Variants in NDEL1 observed in about 807,000 individuals in gnomAD.
The protein encoded by NDEL1 is nudE neurodevelopment protein 1 like 1.
NDEL1 carries 9 observed loss-of-function variants against 45.7 expected under a neutral mutation model. The ratio of observed to expected loss-of-function variants is 0.20; its 90% CI spans 0.12 to 0.34. NDEL1 has a LOEUF of 0.34. Among genes scored for constraint, NDEL1 ranks in the 10% least tolerant of loss-of-function variants. The pLI, the probability that NDEL1 is intolerant of heterozygous loss-of-function variation, is 1.00. For missense variants in NDEL1, 306 were observed against 406.2 expected, an observed-to-expected ratio of 0.75 and a Z score of 2.12; for synonymous variants, 133 against 158.6, an observed-to-expected ratio of 0.84 and a Z score of 1.21.
intron 1 of NDEL1, among the ~76,000 whole-genome samples, chr17:8,423,659 G>C (rs1487796787): frequency 6.6e-6 from 1 of 152,132 alleles, no homozygotes; most frequent in East Asian, 1.9e-4. Flanking sequence ...ACTCCAGTCT[G>C]GGTGACAGAG....
chr17:8,473,700 G>A (rs1911987968), intron 3 of NDEL1, among the ~76,000 whole-genome samples: 1 of 152,154 alleles, frequency 6.6e-6, no homozygotes, highest in Non-Finnish European at 1.5e-5. Flanking sequence ...CTTACCCCCA[G>A]AACCAGTCTA....
intron 1 of NDEL1, among the ~76,000 whole-genome samples, chr17:8,438,707 G>C (rs1481764001): frequency 6.6e-6 from 1 of 151,854 alleles, no homozygotes; most frequent in Non-Finnish European, 1.5e-5. Flanking sequence ...TTAGAGATGG[G>C]GTTTCAGCAT....
intron 2 of NDEL1, 115 bp downstream of exon 2, chr17:8,444,472 C>G: frequency 1.4e-6 from 1 of 690,074 alleles, no homozygotes; most frequent in South Asian, 1.9e-5. Flanking sequence ...ATTTAGGATT[C>G]TAGGATTGAG....
chr17:8,444,406 C>G, intron 2 of NDEL1, 49 bp downstream of exon 2: 1 of 1,215,638 alleles, frequency 8.2e-7, no homozygotes, highest in Non-Finnish European at 1.2e-6. Flanking sequence ...TTGGAATACA[C>G]CGTGTCTTGT....
At position 8,450,904 on chromosome 17, in the gene NDEL1, A is replaced by G; in HGVS notation, c.651A>G (p.Pro217=). The change falls in exon 6 of 9, where the codon CCA becomes CCG. Residue 217 remains proline (P), a synonymous_variant. Coordinates refer to ENST00000334527, the MANE Select transcript of NDEL1 (RefSeq NM_030808.5). ...CCGTCCAAGCATCACTTTCTTTGCC[A>G]GCTACCCCTGTTGGCAAAGGAACGG... ...DSAVQASLSL[P]ATPVGKGTEN... The G allele has an allele frequency of 6.2e-7, 1 of 1,612,746 alleles. No individual in the cohort carries two copies.
chr17:8,441,404 C>G (rs901260298), intron 1 of NDEL1, among the ~76,000 whole-genome samples: 1 of 152,132 alleles, frequency 6.6e-6, no homozygotes, highest in African/African-American at 2.4e-5. Context: ...TCCAAGAGAG[C>G]AGCACATGGG....
intron 2 of NDEL1, 145 bp from the exon 3 acceptor site, chr17:8,445,566 A>C: frequency 1.3e-6 from 1 of 773,834 alleles, no homozygotes. Context: ...ATATACAGTA[A>C]GAGATGCAAA....
chr17:8,426,937 T>C (rs1908849168), intron 1 of NDEL1, among the ~76,000 whole-genome samples: 1 of 152,166 alleles, frequency 6.6e-6, no homozygotes, highest in African/African-American at 2.4e-5. Context: ...TTCTCATTTT[T>C]CTCTTTTCTA....
chr17:8,445,781 G>A lies in NDEL1; in HGVS notation c.157G>A (p.Ala53Thr). The A allele has an allele frequency of 6.2e-7, 1 of 1,601,322 alleles. No individual in the cohort carries two copies. Among genetic ancestry groups the A allele is most frequent in the South Asian group, 1.1e-5 (1 of 88,284 alleles). ...GSRELEAELEAQLVQAEQRNR... is the reference protein window; with the variant it reads ...GSRELEAELETQLVQAEQRNR... ...CAGAGAATTAGAAGCAGAGTTGGAG[G>A]CACAATTAGTACAGGCTGAACAAAG... The change falls in exon 3 of 9, where the codon GCA becomes ACA. Residue 53 changes from alanine to threonine, a missense_variant. By Grantham distance (58) the Ala-to-Thr change is moderately conservative. Around this residue, in one of 3 missense-constraint regions of NDEL1, gnomAD observed 112 missense variants for 148.3 expected, o/e 0.76. Transcript: ENST00000334527.
intron 1 of NDEL1, among the ~76,000 whole-genome samples, chr17:8,443,306 G>A (rs1277611916): frequency 6.6e-6 from 1 of 152,308 alleles, no homozygotes; most frequent in African/African-American, 2.4e-5. Flanking sequence ...TACAGAGGTA[G>A]CAAAGAATGC....
At chr17:8,466,866 A>T in intron 8 of NDEL1, 64 bp from the exon 9 acceptor site, 1 of 1,443,986 alleles carries the variant, frequency 6.9e-7, no homozygotes, top group Middle Eastern at 1.8e-4. Flanking sequence ...ATTGTGTGTG[A>T]GTGATTTTAA....
At chr17:8,417,234 A>C (rs1908566016) in intron 1 of NDEL1, among the ~76,000 whole-genome samples, 1 of 152,050 alleles carries the variant, frequency 6.6e-6, no homozygotes, top group Non-Finnish European at 1.5e-5. Context: ...CTTGTGCCTC[A>C]GCCTCCCGAA....
At chr17:8,454,266 G>A (rs942131354) in intron 6 of NDEL1, among the ~76,000 whole-genome samples, 6 of 151,956 alleles carry the variant, frequency 3.9e-5, no homozygotes, top group Admixed American at 3.9e-4. Context: ...ATTGATTACA[G>A]GAAAGACAAA....
intron 1 of NDEL1, among the ~76,000 whole-genome samples, chr17:8,418,186 C>G (rs1032930711): frequency 2.0e-5 from 3 of 152,112 alleles, no homozygotes; most frequent in Admixed American, 1.3e-4. Context: ...CTGTTGTTTC[C>G]TTTCCTATCA....
At chr17:8,445,976 C>T (rs984034222) in intron 3 of NDEL1, 112 bp downstream of exon 3, 52 of 1,100,034 alleles carry the variant, frequency 4.7e-5, no homozygotes, top group Middle Eastern at 2.1e-4. Context: ...TTGAAAAAAA[C>T]GCTTAAAGTG....
chr17:8,444,042 A>G (rs1203747582), intron 1 of NDEL1: 1 of 392,544 alleles, frequency 2.5e-6, no homozygotes, highest in Non-Finnish European at 4.6e-6. Context: ...CTTTGTATCA[A>G]AGGACCTTTG....
At chr17:8,472,071 G>A (rs1263281610), downstream of NDEL1, among the ~76,000 whole-genome samples, 1 of 152,050 alleles carries the variant, frequency 6.6e-6, no homozygotes, top group African/African-American at 2.4e-5. Context: ...CTTTTTTTGG[G>A]AGTGAAGGAA....
At chr17:8,473,776 C>T (rs1031917250) in intron 3 of NDEL1, among the ~76,000 whole-genome samples, 6 of 152,250 alleles carry the variant, frequency 3.9e-5, no homozygotes, top group Admixed American at 6.5e-5. Context: ...CCTAGTATTT[C>T]TCTCATCCTA....
Position 8,436,044 on chromosome 17 carries a change from A to C in NDEL1, c.-14A>C. On this transcript the variant is annotated splice_region_variant and 5_prime_UTR_variant, in exon 1 of 9. Transcript: ENST00000334527. ...CGAACATGCGCTTTTGACACATTGG[A>C]GGTGAGCCTGCAGCGCGGGGCCGCT... 1 of 439,112 alleles carries C rather than the reference A, an allele frequency of 2.3e-6. No homozygotes were observed. The highest frequency in any genetic ancestry group is 4.5e-6 in the Non-Finnish European group (1 of 220,184). The allele number at this position is 439,112 out of a possible 1,614,324, so 27.2% of individuals were successfully genotyped here.
Sources: gnomAD v4.1 joint callset for allele counts (sites outside exome capture counted in the v4.1 genomes callset) on GRCh38, gnomAD v4.1.1 for gene constraint, gnomAD v4.1.1 regional missense constraint, MANE v1.5 for transcripts, NCBI Gene and HGNC (gene_info 2026-07-23, HGNC 2026-07-21) for gene names.